Variants in NSUN6 observed in about 807,000 individuals in gnomAD.
The protein encoded by NSUN6 is tRNA (cytosine(72)-C(5))-methyltransferase NSUN6.
NSUN6 carries 64 observed loss-of-function variants against 58.0 expected under a neutral mutation model. The ratio of observed to expected loss-of-function variants is 1.10; its 90% CI spans 0.90 to 1.36. The LOEUF (loss-of-function observed/expected upper bound fraction) is 1.36. NSUN6 is among the 40% of genes most tolerant of loss of function. The pLI is 0.00. For missense variants in NSUN6, 701 were observed against 550.1 expected (o/e 1.27, Z -2.74); for synonymous variants, 231 against 193.9 (o/e 1.19, Z -1.59).
intron 8 of NSUN6, among the ~76,000 whole-genome samples, chr10:18,571,092 CCATTCCATTCTCCATTCCATTCCACTTTT>C (rs1179749585): frequency 6.6e-6 from 1 of 151,772 alleles, no homozygotes; most frequent in Non-Finnish European, 1.5e-5. Flanking sequence ...ATGCTCCATT[CCATTCCATTCTCCATTCCATTCCACTTTT>C]CATTCCATTC....
At chr10:18,563,106 G>T (rs866282733) in intron 8 of NSUN6, among the ~76,000 whole-genome samples, 2 of 151,066 alleles carry the variant, frequency 1.3e-5, no homozygotes, top group East Asian at 3.9e-4. Flanking sequence ...GAATGGAATG[G>T]AGAATGGAGT....
rs571354356 is a variant in NSUN6, at chr10:18,637,216, G to A, written c.311+5260C>T. The stretch of plus-strand genomic sequence containing the variant: ...GGCCTCAGGTGATCCACCCCCCTGG[G>A]CCTCCCAAAGTGCTGGGATTACAGG... On this transcript the variant is annotated intron_variant, in intron 3 of 10. Transcript: ENST00000377304. 1.1e-3 allele frequency among the ~76,000 whole-genome samples: 160 copies of A among 152,186 alleles called. 1 individual carries two copies. The highest frequency in any genetic ancestry group is 3.8e-3 in the African/African-American group (157 of 41,556).
At chr10:18,620,416 G>T (rs1200984597) in intron 3 of NSUN6, among the ~76,000 whole-genome samples, 1 of 151,418 alleles carries the variant, frequency 6.6e-6, no homozygotes, top group Non-Finnish European at 1.5e-5. Context: ...TTAAGTCTAT[G>T]AAAAAAAAAT....
chr10:18,565,534 A>T (rs1232203012), intron 8 of NSUN6, among the ~76,000 whole-genome samples: 1 of 144,948 alleles, frequency 6.9e-6, no homozygotes, highest in South Asian at 2.2e-4. Context: ...ATTACATTAC[A>T]TTCTCCATTC....
At position 18,570,203 on chromosome 10, in the gene NSUN6, T is replaced by A. The variant is rs2056261010; in HGVS notation, c.922+15746A>T. ...CCATTCTATTTCATTCCATTCTCCATTCATGTCCATCCCATTCCATTGCAT... is the reference window on the plus strand; with the variant it reads ...CCATTCTATTTCATTCCATTCTCCAATCATGTCCATCCCATTCCATTGCAT... On this transcript the variant is annotated intron_variant, in intron 8 of 10. Coordinates refer to ENST00000377304, the MANE Select transcript of NSUN6 (RefSeq NM_182543.5). Among the ~76,000 whole-genome samples, 3 of 150,936 alleles carry A rather than the reference T, an allele frequency of 2.0e-5. No individual in the cohort carries two copies. The South Asian group carries it at 6.3e-4, about 32-fold the overall frequency.
At chr10:18,560,140 T>C (rs1307261473) in intron 8 of NSUN6, among the ~76,000 whole-genome samples, 1 of 141,506 alleles carries the variant, frequency 7.1e-6, no homozygotes, top group Non-Finnish European at 1.5e-5. Context: ...GAATGCAGAA[T>C]GGATAATAGA....
At chr10:18,570,212 AT>A (rs1334807645) in intron 8 of NSUN6, among the ~76,000 whole-genome samples, 1 of 145,258 alleles carries the variant, frequency 6.9e-6, no homozygotes, top group Admixed American at 6.9e-5. Flanking sequence ...ATTCATGTCC[AT>A]CCCATTCCAT....
chr10:18,645,932 C>T (rs912115411), intron 2 of NSUN6, among the ~76,000 whole-genome samples: 6 of 152,146 alleles, frequency 3.9e-5, no homozygotes, highest in Admixed American at 1.3e-4. Context: ...ATGGGATTCA[C>T]GCGTGTAATC....
At chr10:18,612,288 T>G (rs1478176859) in intron 5 of NSUN6, among the ~76,000 whole-genome samples, 2 of 152,090 alleles carry the variant, frequency 1.3e-5, no homozygotes, top group South Asian at 4.1e-4. Flanking sequence ...CTGATCATGG[T>G]GTCATGTGCC....
intron 3 of NSUN6, among the ~76,000 whole-genome samples, chr10:18,637,024 G>A (rs1453355201): frequency 1.4e-5 from 2 of 145,588 alleles, no homozygotes; most frequent in African/African-American, 5.1e-5. Context: ...GTGCAATGGC[G>A]AGATCTCAGC....
At chr10:18,549,679 G>C (rs532732545) in intron 9 of NSUN6, among the ~76,000 whole-genome samples, 1 of 152,110 alleles carries the variant, frequency 6.6e-6, no homozygotes, top group South Asian at 2.1e-4. Flanking sequence ...TTAATCAGGA[G>C]ATAAGGTATT....
intron 3 of NSUN6, among the ~76,000 whole-genome samples, chr10:18,629,997 C>T (rs796443019): frequency 6.6e-6 from 1 of 150,398 alleles, no homozygotes; most frequent in Non-Finnish European, 1.5e-5. Flanking sequence ...TGACCACATA[C>T]TTGGAAGTAA....
chr10:18,611,023 T>G (rs941246471), intron 5 of NSUN6, among the ~76,000 whole-genome samples: 2 of 151,634 alleles, frequency 1.3e-5, no homozygotes, highest in Admixed American at 6.6e-5. Flanking sequence ...GGGCAACATC[T>G]CTACATAAAA....
chr10:18,612,870 C>T (rs1278799507), intron 5 of NSUN6, among the ~76,000 whole-genome samples: 5 of 152,118 alleles, frequency 3.3e-5, no homozygotes, highest in South Asian at 4.1e-4. Context: ...AATCTGCCTC[C>T]GTGAATCTAT....
intron 7 of NSUN6, among the ~76,000 whole-genome samples, chr10:18,592,441 G>A (rs990090360): frequency 5.3e-5 from 8 of 152,178 alleles, no homozygotes; most frequent in Admixed American, 5.2e-4. Context: ...GAACAATGCT[G>A]GAGGCATCAT....
intron 3 of NSUN6, among the ~76,000 whole-genome samples, chr10:18,634,739 A>G (rs1222575301): frequency 6.7e-6 from 1 of 149,874 alleles, no homozygotes; most frequent in Non-Finnish European, 1.5e-5. Flanking sequence ...CCTGGGTGAC[A>G]GAGCGAGACT....
At chr10:18,588,148 G>C (rs376724781) in intron 7 of NSUN6, among the ~76,000 whole-genome samples, 17 of 152,310 alleles carry the variant, frequency 1.1e-4, no homozygotes, top group African/African-American at 4.1e-4. Flanking sequence ...AAGGAGACTG[G>C]GAGGTTTGGA....
chr10:18,584,562 A>G (rs1192460022), intron 8 of NSUN6, among the ~76,000 whole-genome samples: 1 of 152,208 alleles, frequency 6.6e-6, no homozygotes, highest in Non-Finnish European at 1.5e-5. Flanking sequence ...CAACTTAGGC[A>G]TTATTAACAC....
At chr10:18,633,985 TA>T (rs1434045679) in intron 3 of NSUN6, among the ~76,000 whole-genome samples, 2 of 152,308 alleles carry the variant, frequency 1.3e-5, no homozygotes, top group East Asian at 3.9e-4. Flanking sequence ...CCAGAAAACA[TA>T]TTTGATTAGT....
Sources: gnomAD v4.1 joint callset for allele counts (sites outside exome capture counted in the v4.1 genomes callset) on GRCh38, gnomAD v4.1.1 for gene constraint, MANE v1.5 for transcripts, NCBI Gene and HGNC (gene_info 2026-07-23, HGNC 2026-07-21) for gene names.